The following RHOBTB3 variants were observed in gnomAD, a reference collection of about 807,000 sequenced individuals.
RHOBTB3 encodes the protein rho-related BTB domain-containing protein 3.
A neutral mutation model predicts 67.2 loss-of-function variants in RHOBTB3; 47 were observed. The ratio of observed to expected loss-of-function variants is 0.70; its 90% CI spans 0.55 to 0.89. The LOEUF (loss-of-function observed/expected upper bound fraction) is 0.89, where lower values mean the gene tolerates loss of function less well. RHOBTB3 is among the 40% of genes least tolerant of loss of function. The pLI is 0.00. For synonymous variants in RHOBTB3, 273 were observed against 274.2 expected, an observed-to-expected ratio of 1.00 and a Z score of 0.04; for missense variants, 631 against 750.0, an observed-to-expected ratio of 0.84 and a Z score of 1.85.
At chr5:95,757,918 C>T (rs1347379729) in intron 6 of RHOBTB3, among the ~76,000 whole-genome samples, 1 of 152,154 alleles carries the variant, frequency 6.6e-6, no homozygotes, top group Non-Finnish European at 1.5e-5. Flanking sequence ...TAGAATGTCA[C>T]AGTTCAGAAT....
intron 9 of RHOBTB3, chr5:95,783,585 A>T (rs1473361776): frequency 1.3e-5 from 3 of 238,272 alleles, no homozygotes; most frequent in East Asian, 8.1e-5. Context: ...AAAAAAAAAA[A>T]GAAGAAGAAG....
rs1580435667 is a variant in RHOBTB3, at chr5:95,793,214, T to G, written c.*40T>G. On this transcript the variant is annotated 3_prime_UTR_variant, in exon 12 of 12. Coordinates refer to ENST00000379982, the MANE Select transcript of RHOBTB3 (RefSeq NM_014899.4). ...ACACTACATTTCTTTTTTATTATTATGAAGAATGGGATACCTCCAGGTTCC... is the reference window on the plus strand; with the variant it reads ...ACACTACATTTCTTTTTTATTATTAGGAAGAATGGGATACCTCCAGGTTCC... 2 of 1,331,016 alleles carry G rather than the reference T, an allele frequency of 1.5e-6. No individual in the cohort carries two copies. The highest frequency in any genetic ancestry group is 2.1e-6 in the Non-Finnish European group (2 of 945,076). 82.5% of individuals were successfully genotyped at this position (1,331,016 alleles called of 1,614,324 possible). A position where few individuals can be genotyped will look rare whatever the true frequency, so the allele number is the denominator to read the frequency against.
chr5:95,730,001 T>G (rs1270536942), upstream of RHOBTB3, among the ~76,000 whole-genome samples: 3 of 152,086 alleles, frequency 2.0e-5, no homozygotes, highest in Admixed American at 1.3e-4. Context: ...GAAAAAGTGA[T>G]CTTGCATGCT....
chr5:95,736,763 TTAATTTCAAG>T lies in RHOBTB3; in HGVS notation c.229-123_229-114del. ...AGAGAGTTGGCAGACTGCAACACTTTTAATTTCAAGTAGTTACTTATTTTAAAATAATTTT... is the reference window on the plus strand; with the variant it reads ...AGAGAGTTGGCAGACTGCAACACTTTTAGTTACTTATTTTAAAATAATTTT... On this transcript the variant is annotated intron_variant, in intron 2 of 11. Coordinates refer to ENST00000379982, the MANE Select transcript of RHOBTB3 (RefSeq NM_014899.4). 7 of 631,290 alleles carry T rather than the reference TTAATTTCAAG, an allele frequency of 1.1e-5. No homozygotes were observed. The Middle Eastern group carries it at 2.8e-3, about 257-fold the overall frequency. The allele number at this position is 631,290 out of a possible 1,614,324, so 39.1% of individuals were successfully genotyped here.
At chr5:95,717,645 T>G (rs1027593459) in exon 1 of RHOBTB3, 2 of 152,148 alleles carry the variant, frequency 1.3e-5, no homozygotes, top group Non-Finnish European at 2.9e-5. Flanking sequence ...TGACTAAACC[T>G]AACTAGAAGC....
At chr5:95,779,228 T>C (rs1167806300) in intron 8 of RHOBTB3, among the ~76,000 whole-genome samples, 1 of 152,234 alleles carries the variant, frequency 6.6e-6, no homozygotes, top group East Asian at 1.9e-4. Context: ...AGTTACTTCC[T>C]GGAATGCGAC....
rs1314081980 is a variant in RHOBTB3 at position 95,793,273 on chromosome 5, G to A, written c.*99G>A. 2 of 717,618 alleles carry A rather than the reference G, an allele frequency of 2.8e-6. No homozygotes were observed. The highest frequency in any genetic ancestry group is 3.0e-5 in the Admixed American group (1 of 32,872). The allele number at this position is 717,618 out of a possible 1,614,324, so 44.5% of individuals were successfully genotyped here. ...TCTTCTGACCGAAACCAATGTGGGT[G>A]TTAGAAAAATTACCATATAGCTTAA... On this transcript the variant is annotated 3_prime_UTR_variant, in exon 12 of 12. Transcript: ENST00000379982.
chr5:95,732,831 T>C (rs182013437), intron 2 of RHOBTB3: 2 of 152,364 alleles, frequency 1.3e-5, no homozygotes, highest in African/African-American at 4.8e-5. Flanking sequence ...CTGACACATA[T>C]AAATATTTTC....
At chr5:95,739,718 GT>G (rs1006255780) in intron 3 of RHOBTB3, among the ~76,000 whole-genome samples, 4 of 151,938 alleles carry the variant, frequency 2.6e-5, no homozygotes, top group Admixed American at 6.6e-5. Flanking sequence ...CACCCAGCCA[GT>G]TTTTTTATAG....
chr5:95,738,632 G>A (rs1755515161), intron 3 of RHOBTB3, among the ~76,000 whole-genome samples: 1 of 151,938 alleles, frequency 6.6e-6, no homozygotes, highest in East Asian at 1.9e-4. Context: ...ACCATGGGAC[G>A]ATGCAGCAGG....
At chr5:95,779,235 C>T (rs1425010637) in intron 8 of RHOBTB3, among the ~76,000 whole-genome samples, 3 of 152,162 alleles carry the variant, frequency 2.0e-5, no homozygotes, top group African/African-American at 4.8e-5. Flanking sequence ...TCCTGGAATG[C>T]GACAGCTTTG....
chr5:95,748,349 A>G lies in RHOBTB3; in HGVS notation c.432A>G (p.Thr144=), dbSNP rs574501128. ...TTTTCTCAGAAGAGTTACCTTGTACATGCCCACTATGTACCTCAGACAGAG... is the reference window on the plus strand; with the variant it reads ...TTTTCTCAGAAGAGTTACCTTGTACGTGCCCACTATGTACCTCAGACAGAG... ...GTRQNEELPC[T]CPLCTSDRGS... Residue 144 remains threonine (T), a synonymous_variant, in exon 4 of 12, where the codon ACA becomes ACG. Coordinates refer to ENST00000379982, the MANE Select transcript of RHOBTB3 (RefSeq NM_014899.4). 1.2e-6 allele frequency: 2 copies of G among 1,606,040 alleles called. No individual in the cohort carries two copies. Among genetic ancestry groups the G allele is most frequent in the South Asian group, 2.2e-5 (2 of 89,024 alleles).
intron 11 of RHOBTB3, among the ~76,000 whole-genome samples, chr5:95,792,072 C>G (rs1746414142): frequency 6.6e-6 from 1 of 152,050 alleles, no homozygotes; most frequent in Admixed American, 6.5e-5. Flanking sequence ...TGGAGGGATC[C>G]AACTCCAAGG....
At chr5:95,773,436 A>C (rs186194453) in intron 8 of RHOBTB3, among the ~76,000 whole-genome samples, 4 of 152,096 alleles carry the variant, frequency 2.6e-5, no homozygotes, top group Admixed American at 2.0e-4. Flanking sequence ...AAGGCACACC[A>C]GCTCCTGAGA....
chr5:95,718,418 G>A (rs1427868961), intron 1 of RHOBTB3, among the ~76,000 whole-genome samples: 6 of 152,190 alleles, frequency 3.9e-5, no homozygotes, highest in East Asian at 1.9e-4. Flanking sequence ...AGTAAAGAAC[G>A]GATGTGGCTA....
rs369986118 is a variant in RHOBTB3 at position 95,731,827 on chromosome 5, C to G, written c.3-32C>G. The G allele has an allele frequency of 6.9e-6, 11 of 1,604,174 alleles. No individual in the cohort carries two copies. The African/African-American group carries it at 9.4e-5, about 14-fold the overall frequency. On this transcript the variant is annotated intron_variant, in intron 1 of 11. Transcript: ENST00000379982. Reference sequence around the variant, plus strand: ...AGAGACCCGCGCGCTGACCGTGCTTCCCTTCTCCCCTCGCCCCCTCTGTCC... The same window carrying G: ...AGAGACCCGCGCGCTGACCGTGCTTGCCTTCTCCCCTCGCCCCCTCTGTCC...
At chr5:95,744,790 G>C (rs771008898) in intron 3 of RHOBTB3, among the ~76,000 whole-genome samples, 11 of 151,976 alleles carry the variant, frequency 7.2e-5, no homozygotes, top group Non-Finnish European at 1.5e-4. Context: ...TAGAGATGGG[G>C]CTGGCCACGG....
intron 5 of RHOBTB3, among the ~76,000 whole-genome samples, chr5:95,754,246 G>C (rs1261780010): frequency 6.6e-6 from 1 of 152,198 alleles, no homozygotes; most frequent in Non-Finnish European, 1.5e-5. Context: ...TCTGTTAAGA[G>C]AGCTGTGTGT....
At chr5:95,779,044 T>G (rs966487825) in intron 8 of RHOBTB3, among the ~76,000 whole-genome samples, 1 of 152,254 alleles carries the variant, frequency 6.6e-6, no homozygotes, top group Non-Finnish European at 1.5e-5. Flanking sequence ...GGCTTAGATG[T>G]AACTCTTTTC....
Sources: allele counts gnomAD v4.1 joint callset (sites outside exome capture counted in the v4.1 genomes callset), GRCh38; gene constraint gnomAD v4.1.1; transcripts MANE v1.5; gene names NCBI Gene and HGNC (gene_info 2026-07-23, HGNC 2026-07-21).